VPS35: variants seen among roughly 807,000 people sequenced by gnomAD.
The protein encoded by VPS35 is VPS35 retromer complex component.
Under a neutral mutation model 98.1 loss-of-function variants are expected in VPS35, and 21 were observed. The observed-to-expected ratio is 0.21, with a 90% CI of 0.15 to 0.31. The LOEUF is 0.31. Ranked by LOEUF, VPS35 falls within the 10% of genes least tolerant of loss-of-function variation. VPS35 has a pLI of 1.00. For missense variants in VPS35, 554 were observed against 950.8 expected, an observed-to-expected ratio of 0.58 and a Z score of 5.49; for synonymous variants, 268 against 318.2, an observed-to-expected ratio of 0.84 and a Z score of 1.68.
At chr16:46,674,781 TTTTTTTTG>T in intron 8 of VPS35, 121 bp from the exon 9 acceptor site, 1 of 1,001,320 alleles carries the variant, frequency 1.0e-6, no homozygotes. Flanking sequence ...AAGGTTTTTG[TTTTTTTTG>T]TTTTGTTTTG....
chr16:46,669,224 CAG>C, intron 12 of VPS35, 172 bp from the exon 13 acceptor site: 1 of 810,700 alleles, frequency 1.2e-6, no homozygotes, highest in Non-Finnish European at 2.0e-6. Flanking sequence ...CACAACAACC[CAG>C]AGACAGATAC....
chr16:46,672,823 G>A (rs1966088506), intron 10 of VPS35, among the ~76,000 whole-genome samples: 1 of 152,162 alleles, frequency 6.6e-6, no homozygotes, highest in African/African-American at 2.4e-5. Context: ...CAGCCAACAA[G>A]TATTGTATAT....
intron 14 of VPS35, 140 bp downstream of exon 14, chr16:46,662,843 A>G: frequency 1.1e-6 from 1 of 910,438 alleles, no homozygotes; most frequent in Non-Finnish European, 1.7e-6. Flanking sequence ...TAATATTAAC[A>G]GGTTCCATGA....
intron 2 of VPS35, chr16:46,682,601 C>T (rs1209596327): frequency 5.8e-6 from 1 of 173,358 alleles, no homozygotes; most frequent in African/African-American, 2.4e-5. Context: ...GTTTGCTTTC[C>T]TCTTGCATTC....
In VPS35 at chr16:46,677,378, C is replaced by T; in HGVS notation, c.741G>A (p.Leu247=). The change falls in exon 7 of 17, where the codon TTG becomes TTA. Residue 247 remains leucine, a synonymous_variant. Transcript: ENST00000299138. ...RYKQIVLTGI[L]EQVVNCRDAL... ...CATCCCTACAGTTTACAACTTGCTCCAATATGCCAGTCAAAACAATCTAAA... is the reference window on the plus strand; with the variant it reads ...CATCCCTACAGTTTACAACTTGCTCTAATATGCCAGTCAAAACAATCTAAA... 6.2e-7 allele frequency: 1 copy of T among 1,613,868 alleles called. No individual in the cohort carries two copies. The highest frequency in any genetic ancestry group is 1.1e-5 in the South Asian group (1 of 91,080).
chr16:46,682,287 G>A lies in VPS35; in HGVS notation c.103-112C>T, dbSNP rs966328426. ...TGTTACATAGTTTTAAAAGAATACC[G>A]CACTTAAATGATTTTAACCACATTA... On this transcript the variant is annotated intron_variant, in intron 2 of 16. Coordinates refer to ENST00000299138, the MANE Select transcript of VPS35 (RefSeq NM_018206.6). The A allele has an allele frequency of 4.5e-5, 37 of 830,280 alleles. No individual in the cohort carries two copies. The Middle Eastern group carries it at 9.6e-4, about 21-fold the overall frequency. The allele number at this position is 830,280 out of a possible 1,614,324, so 51.4% of individuals were successfully genotyped here.
At chr16:46,677,010 T>C (rs1966161483) in intron 7 of VPS35, among the ~76,000 whole-genome samples, 1 of 151,988 alleles carries the variant, frequency 6.6e-6, no homozygotes, top group Non-Finnish European at 1.5e-5. Context: ...ATTTTTAAAT[T>C]ATTTTTAGAA....
chr16:46,662,272 C>A lies in VPS35; in HGVS notation c.2038G>T (p.Gly680Cys), dbSNP rs1470766667. Residue 680 changes from glycine (G) to cysteine (C), a missense_variant, in exon 15 of 17, where the codon GGC (glycine) becomes TGC (cysteine). Physicochemically the swap from Gly to Cys is radical, Grantham distance 159. Coordinates refer to ENST00000299138, the MANE Select transcript of VPS35 (RefSeq NM_018206.6). ...TCCCCATTTTTGTCCGTGTTTCTGC[C>A]AGACCAGAAGAGATGTGCACAGGTG... ...VSTCAHLFWSGRNTDKNGEEL... is the reference protein window; with the variant it reads ...VSTCAHLFWSCRNTDKNGEEL... 1.2e-6 allele frequency: 2 copies of A among 1,613,978 alleles called. No individual in the cohort carries two copies. The highest frequency in any genetic ancestry group is 1.7e-6 in the Non-Finnish European group (2 of 1,180,026).
intron 13 of VPS35, among the ~76,000 whole-genome samples, chr16:46,663,824 T>C (rs1052657387): frequency 3.5e-5 from 5 of 143,802 alleles, no homozygotes; most frequent in African/African-American, 5.1e-5. Flanking sequence ...GACTCCCGAA[T>C]AGCTAGGACT....
rs76259065 is a variant in VPS35, at chr16:46,659,228, G to A, written c.*1244C>T. The A allele has an allele frequency of 2.6e-3, 396 of 152,456 alleles. 8 individuals carry two copies. The East Asian group carries it at 0.064, about 25-fold the overall frequency. The allele number at this position is 152,456 out of a possible 1,614,324, so 9.4% of individuals were successfully genotyped here. ...GCCTCTGCCTAACAGCCAGGTCAGT[G>A]AGCAGAAAAGTCAGCCCCAGTCAAA... On this transcript the variant is annotated 3_prime_UTR_variant, in exon 17 of 17. Coordinates refer to ENST00000299138, the MANE Select transcript of VPS35 (RefSeq NM_018206.6).
intron 1 of VPS35, 107 bp from the exon 2 acceptor site, chr16:46,683,713 C>A: frequency 1.7e-6 from 2 of 1,202,370 alleles, no homozygotes; most frequent in Non-Finnish European, 1.2e-6. Flanking sequence ...CAGCTCTATA[C>A]CTCAAACCCA....
intron 13 of VPS35, among the ~76,000 whole-genome samples, chr16:46,665,282 A>T (rs977000906): frequency 6.6e-6 from 1 of 152,202 alleles, no homozygotes; most frequent in African/African-American, 2.4e-5. Flanking sequence ...TAAAGCAATC[A>T]GTTCTTTTCA....
At chr16:46,688,274 G>A in intron 1 of VPS35, 1 of 983,852 alleles carries the variant, frequency 1.0e-6, no homozygotes, top group Non-Finnish European at 1.2e-6. Context: ...ACACAGTGCA[G>A]GCTATGTTAA....
At chr16:46,683,633 T>C (rs1287233376) in intron 1 of VPS35, 27 bp from the exon 2 acceptor site, 1 of 1,540,928 alleles carries the variant, frequency 6.5e-7, no homozygotes, top group African/African-American at 1.4e-5. Context: ...TCCACTGATG[T>C]CTCAAGCACA....
intron 6 of VPS35, among the ~76,000 whole-genome samples, chr16:46,678,512 G>C (rs1303539392): frequency 2.0e-5 from 3 of 152,096 alleles, no homozygotes; most frequent in Non-Finnish European, 4.4e-5. Context: ...CCCCTCCATT[G>C]ATTTGTGTGT....
intron 10 of VPS35, 135 bp from the exon 11 acceptor site, chr16:46,672,607 G>C: frequency 1.4e-6 from 1 of 708,592 alleles, no homozygotes; most frequent in Non-Finnish European, 2.4e-6. Context: ...TACCACCACA[G>C]AAGACTATAA....
intron 10 of VPS35, chr16:46,674,018 C>G (rs1049701241): frequency 2.7e-6 from 1 of 365,500 alleles, no homozygotes; most frequent in African/African-American, 2.1e-5. Context: ...AATGCTTCTT[C>G]CAGTGCAGCC....
chr16:46,668,621 T>C (rs1328549297), intron 13 of VPS35, among the ~76,000 whole-genome samples: 1 of 152,144 alleles, frequency 6.6e-6, no homozygotes, highest in Non-Finnish European at 1.5e-5. Flanking sequence ...TGCTAGGCCC[T>C]CTCCTTAGGT....
intron 6 of VPS35, chr16:46,677,747 G>C (rs767442163): frequency 1.8e-5 from 5 of 280,984 alleles, no homozygotes; most frequent in Non-Finnish European, 2.8e-5. Flanking sequence ...TGTTGCCCAG[G>C]CCTGTCTCAA....
Sources: allele counts gnomAD v4.1 joint callset (sites outside exome capture counted in the v4.1 genomes callset), GRCh38; gene constraint gnomAD v4.1.1; transcripts MANE v1.5; gene names NCBI Gene and HGNC (gene_info 2026-07-23, HGNC 2026-07-21).